Variants in TMEM248 observed in about 807,000 individuals in gnomAD.
TMEM248 encodes UPF0458 protein C7orf42.
Under a neutral mutation model 30.3 loss-of-function variants are expected in TMEM248, and 9 were observed. That is an observed-to-expected ratio of 0.30 (90% CI 0.18 to 0.52). TMEM248 has a LOEUF of 0.52. TMEM248 is among the 20% of genes least tolerant of loss of function. The pLI is 0.97. For synonymous variants in TMEM248, 184 were observed against 154.4 expected (o/e 1.19, Z -1.42); for missense variants, 338 against 403.3 (o/e 0.84, Z 1.39).
chr7:66,956,427 G>C lies in TMEM248; in HGVS notation c.*905G>C, dbSNP rs1316230307. ...TTGCTCTTCTGCTTTCTGGAATGCA[G>C]ATGACAGTATGGAAAGAAAGAATAA... On this transcript the variant is annotated 3_prime_UTR_variant, in exon 7 of 7. Transcript: ENST00000341567. 2.0e-5 allele frequency: 3 copies of C among 152,102 alleles called. No individual in the cohort carries two copies. Among genetic ancestry groups the C allele is most frequent in the Non-Finnish European group, 4.4e-5 (3 of 68,042 alleles). The allele number at this position is 152,102 out of a possible 1,614,324, so 9.4% of individuals were successfully genotyped here. A position where few individuals can be genotyped will look rare whatever the true frequency, so the allele number is the denominator to read the frequency against.
intron 1 of TMEM248, among the ~76,000 whole-genome samples, chr7:66,936,680 G>A (rs925379147): frequency 3.9e-5 from 6 of 152,142 alleles, no homozygotes; most frequent in African/African-American, 1.4e-4. Flanking sequence ...AAGCCATCAG[G>A]TCTTGGTAGG....
At chr7:66,924,519 C>T (rs1791472436) in intron 1 of TMEM248, among the ~76,000 whole-genome samples, 1 of 152,190 alleles carries the variant, frequency 6.6e-6, no homozygotes, top group African/African-American at 2.4e-5. Context: ...ATTCTCCTGC[C>T]TCAGCCTCTT....
intron 1 of TMEM248, among the ~76,000 whole-genome samples, chr7:66,925,781 A>G (rs1004523892): frequency 6.6e-6 from 1 of 150,382 alleles, no homozygotes. Flanking sequence ...AGCTGAGATT[A>G]CAGGTGCACG....
chr7:66,952,529 A>C (rs1792292962), intron 5 of TMEM248, among the ~76,000 whole-genome samples: 1 of 152,200 alleles, frequency 6.6e-6, no homozygotes, highest in Non-Finnish European at 1.5e-5. Flanking sequence ...TGTGTTGAGA[A>C]GACTGAGCTG....
chr7:66,927,944 G>T (rs1791566526), intron 1 of TMEM248, among the ~76,000 whole-genome samples: 1 of 152,162 alleles, frequency 6.6e-6, no homozygotes, highest in Non-Finnish European at 1.5e-5. Flanking sequence ...GCTGAGCACG[G>T]TAGCTCACAC....
In TMEM248 at chr7:66,929,588, C is replaced by T. The variant is rs530858266; in HGVS notation, c.-19+8127C>T. 4.6e-5 allele frequency among the ~76,000 whole-genome samples: 7 copies of T among 151,998 alleles called. No individual in the cohort carries two copies. In the East Asian group the frequency reaches 5.8e-4, roughly 13 times the overall value. ...AGTAGCTGGCATTATAGGCGTGCAC[C>T]GCCATGCCCAGCTAATTTTTGTATT... On this transcript the variant is annotated intron_variant, in intron 1 of 6. Coordinates refer to ENST00000341567, the MANE Select transcript of TMEM248 (RefSeq NM_017994.5).
chr7:66,925,888 G>A (rs1237635174), intron 1 of TMEM248, among the ~76,000 whole-genome samples: 8 of 151,838 alleles, frequency 5.3e-5, no homozygotes, highest in African/African-American at 9.7e-5. Context: ...TAATCCACCC[G>A]CCTCAGCCTC....
In TMEM248 at chr7:66,955,525, C is replaced by T. The variant is rs781005802; in HGVS notation, c.*3C>T. 6.2e-7 allele frequency: 1 copy of T among 1,614,102 alleles called. No homozygotes were observed. The stretch of plus-strand genomic sequence containing the variant: ...AGGTGGCTTTGGCTGAAGCCTAATT[C>T]CACAGCTCCTTGTTTTTTGAGAGAG... On this transcript the variant is annotated 3_prime_UTR_variant, in exon 7 of 7. Transcript: ENST00000341567.
At chr7:66,922,368 C>T (rs1791408698) in intron 1 of TMEM248, 1 of 152,314 alleles carries the variant, frequency 6.6e-6, no homozygotes, top group South Asian at 2.1e-4. Flanking sequence ...GCATGTGTAT[C>T]TCATTTGTAG....
rs1322719861 is a variant in TMEM248, at chr7:66,956,880, G to T, written c.*1358G>T. ...TGTAGAGACAGAGTCTCCCTCTGTT[G>T]CCCAGGCTGGTCTGGAACTCCTAGC... On this transcript the variant is annotated 3_prime_UTR_variant, in exon 7 of 7. Transcript: ENST00000341567. The T allele has an allele frequency of 6.6e-6, 1 of 151,336 alleles. No individual in the cohort carries two copies. The highest frequency in any genetic ancestry group is 2.4e-5 in the African/African-American group (1 of 41,368). 9.4% of individuals were successfully genotyped at this position (151,336 alleles called of 1,614,324 possible).
intron 4 of TMEM248, 30 bp downstream of exon 4, chr7:66,948,724 C>T (rs778056492): frequency 3.8e-6 from 6 of 1,583,272 alleles, no homozygotes; most frequent in Admixed American, 1.7e-5. Flanking sequence ...GATGAACGTG[C>T]GTAACAAGCT....
chr7:66,941,903 A>G lies in TMEM248; in HGVS notation c.38A>G (p.Tyr13Cys), dbSNP rs1380442915. 13 of 1,614,058 alleles carry G rather than the reference A, an allele frequency of 8.1e-6. No homozygotes were observed. In the East Asian group the frequency reaches 2.2e-4, roughly 28 times the overall value. ...AACCCCCTGGAGAACCTGAAGGTGTACATCAGCAGTCGGCCTCCCCTGGTG... is the reference window on the plus strand; with the variant it reads ...AACCCCCTGGAGAACCTGAAGGTGTGCATCAGCAGTCGGCCTCCCCTGGTG... ...SINPLENLKVYISSRPPLVVF... is the reference protein window; with the variant it reads ...SINPLENLKVCISSRPPLVVF... Residue 13 changes from tyrosine (Y) to cysteine (C), a missense_variant, in exon 2 of 7, where the codon TAC becomes TGC. Coordinates refer to ENST00000341567, the MANE Select transcript of TMEM248 (RefSeq NM_017994.5).
intron 1 of TMEM248, among the ~76,000 whole-genome samples, chr7:66,938,517 G>T (rs1562940281): frequency 1.3e-5 from 2 of 151,894 alleles, no homozygotes; most frequent in Non-Finnish European, 2.9e-5. Flanking sequence ...TTTTCTTTTT[G>T]TTTTCTTTTG....
rs190609150 is a variant in TMEM248, at chr7:66,957,626, G to A, written c.*2104G>A. The stretch of plus-strand genomic sequence containing the variant: ...ATTGAATTAATAAAATCCCAATGAA[G>A]CAGAGTTATAGGGATAGATTTATAG... On this transcript the variant is annotated 3_prime_UTR_variant, in exon 7 of 7. Coordinates refer to ENST00000341567, the MANE Select transcript of TMEM248 (RefSeq NM_017994.5). 1 of 152,326 alleles carries A rather than the reference G, an allele frequency of 6.6e-6. No individual in the cohort carries two copies. The highest frequency in any genetic ancestry group is 1.9e-4 in the East Asian group (1 of 5,190). 9.4% of individuals were successfully genotyped at this position (152,326 alleles called of 1,614,324 possible). A position where few individuals can be genotyped will look rare whatever the true frequency, so the allele number is the denominator to read the frequency against.
chr7:66,939,856 T>C (rs533325836), intron 1 of TMEM248, among the ~76,000 whole-genome samples: 2 of 152,328 alleles, frequency 1.3e-5, no homozygotes, highest in African/African-American at 2.4e-5. Flanking sequence ...AAAATAATTG[T>C]GCTCTTGGTT....
intron 1 of TMEM248, among the ~76,000 whole-genome samples, chr7:66,929,770 T>A (rs532826873): frequency 6.6e-6 from 1 of 152,130 alleles, no homozygotes; most frequent in African/African-American, 2.4e-5. Context: ...GGAGGCAGTG[T>A]CAGTGGGGAT....
chr7:66,944,962 T>C lies in TMEM248; in HGVS notation c.160-14T>C. ...TGCTTAACACCCATTTCTCTTTCTT[T>C]CACTTTCCCAAAGGATTGGAATACT... is the stretch of plus-strand genomic sequence containing the variant. On this transcript the variant is annotated splice_polypyrimidine_tract_variant and intron_variant, in intron 2 of 6. Transcript: ENST00000341567. 6.2e-7 allele frequency: 1 copy of C among 1,612,552 alleles called. No individual in the cohort carries two copies. The highest frequency in any genetic ancestry group is 1.3e-5 in the African/African-American group (1 of 75,004).
chr7:66,952,785 G>A (rs1430116018), intron 5 of TMEM248, among the ~76,000 whole-genome samples: 6 of 152,338 alleles, frequency 3.9e-5, no homozygotes, highest in South Asian at 4.1e-4. Flanking sequence ...GTGAGGTGCC[G>A]AGGCCTTCCT....
intron 1 of TMEM248, among the ~76,000 whole-genome samples, chr7:66,926,379 G>T (rs1262081883): frequency 6.6e-6 from 1 of 152,202 alleles, no homozygotes; most frequent in East Asian, 1.9e-4. Context: ...CAGCACTTTG[G>T]GAGGCCAAGG....
Sources: allele counts gnomAD v4.1 joint callset (sites outside exome capture counted in the v4.1 genomes callset), GRCh38; gene constraint gnomAD v4.1.1; transcripts MANE v1.5; gene names NCBI Gene and HGNC (gene_info 2026-07-23, HGNC 2026-07-21).